MED12L: variants seen among roughly 807,000 people sequenced by gnomAD.
MED12L encodes the protein mediator of RNA polymerase II transcription subunit 12-like protein.
Under a neutral mutation model 281.3 loss-of-function variants are expected in MED12L, and 60 were observed. The ratio of observed to expected loss-of-function variants is 0.21; its 90% CI spans 0.17 to 0.26. The LOEUF (loss-of-function observed/expected upper bound fraction) is 0.26. Among genes scored for constraint, MED12L ranks in the 10% least tolerant of loss-of-function variants. The pLI, the probability that MED12L is intolerant of heterozygous loss-of-function variation, is 1.00. For missense variants in MED12L, 2,146 were observed against 2,680.9 expected (o/e 0.80, Z 4.41); for synonymous variants, 974 against 987.2 (o/e 0.99, Z 0.25).
intron 16 of MED12L, chr3:151,219,786 G>A (rs992392336): frequency 6.6e-6 from 1 of 151,158 alleles, no homozygotes; most frequent in Non-Finnish European, 1.5e-5. Context: ...CACTATACTT[G>A]CTATTTGTTG....
chr3:151,319,324 G>A (rs558588642), intron 16 of MED12L, among the ~76,000 whole-genome samples: 4 of 151,958 alleles, frequency 2.6e-5, no homozygotes, highest in East Asian at 1.9e-4. Flanking sequence ...TAAAAGCCCC[G>A]GGAATCTTCA....
intron 16 of MED12L, among the ~76,000 whole-genome samples, chr3:151,279,158 C>A (rs1447403031): frequency 1.3e-5 from 2 of 152,118 alleles, no homozygotes; most frequent in Non-Finnish European, 2.9e-5. Flanking sequence ...TAACTCAGAA[C>A]CAGAAAGAAA....
At chr3:151,294,586 C>G in intron 16 of MED12L, 1 of 1,614,134 alleles carries the variant, frequency 6.2e-7, no homozygotes, top group Non-Finnish European at 8.5e-7. Flanking sequence ...CGATCAGAAT[C>G]ACCAGCACGG....
chr3:151,360,198 A>G (rs935627671), intron 20 of MED12L, among the ~76,000 whole-genome samples: 24 of 152,100 alleles, frequency 1.6e-4, no homozygotes, highest in African/African-American at 5.3e-4. Context: ...TAATCGGTGG[A>G]TTCCTCCATA....
chr3:151,227,142 A>G (rs558872763), intron 16 of MED12L, among the ~76,000 whole-genome samples: 1 of 152,356 alleles, frequency 6.6e-6, no homozygotes, highest in South Asian at 2.1e-4. Context: ...TCAGTGACCA[A>G]CATGTGTTAA....
At chr3:151,382,846 G>C in intron 33 of MED12L, 101 bp downstream of exon 33, 1 of 847,496 alleles carries the variant, frequency 1.2e-6, no homozygotes, top group Non-Finnish European at 1.9e-6. Flanking sequence ...GCATTACAAG[G>C]TGAGGCCTTC....
chr3:151,355,449 TATG>T (rs1464259952), intron 18 of MED12L, among the ~76,000 whole-genome samples: 20 of 152,358 alleles, frequency 1.3e-4, no homozygotes, highest in Admixed American at 1.1e-3. Flanking sequence ...TTTTTGTCCT[TATG>T]ATAATAATCG....
At chr3:151,180,609 G>T (rs1722594245) in intron 11 of MED12L, among the ~76,000 whole-genome samples, 1 of 152,186 alleles carries the variant, frequency 6.6e-6, no homozygotes, top group Non-Finnish European at 1.5e-5. Flanking sequence ...CCCCAGTGGT[G>T]ACATCTGGAT....
At chr3:151,132,271 A>T (rs2148822004) in intron 5 of MED12L, among the ~76,000 whole-genome samples, 1 of 152,334 alleles carries the variant, frequency 6.6e-6, no homozygotes. Context: ...AGGTGATTTA[A>T]TGCAAAGTCC....
At chr3:151,174,336 C>A (rs1721788478) in intron 11 of MED12L, among the ~76,000 whole-genome samples, 1 of 152,174 alleles carries the variant, frequency 6.6e-6, no homozygotes, top group African/African-American at 2.4e-5. Context: ...GTATTTCTCA[C>A]AACTCCTCTA....
intron 20 of MED12L, among the ~76,000 whole-genome samples, chr3:151,359,673 G>A (rs1368911986): frequency 2.0e-5 from 3 of 152,114 alleles, no homozygotes; most frequent in Non-Finnish European, 2.9e-5. Context: ...CAATAAGGAT[G>A]GTGAATCAGA....
intron 39 of MED12L, among the ~76,000 whole-genome samples, 173 bp from the exon 40 acceptor site, chr3:151,409,070 C>T (rs1328188166): frequency 6.6e-6 from 1 of 152,234 alleles, no homozygotes; most frequent in East Asian, 1.9e-4. Context: ...ATAAGTTCAA[C>T]AGTCTAAACA....
At position 151,394,302 on chromosome 3, in the gene MED12L, AC is replaced by A. The variant is rs201381981; in HGVS notation, c.5609-353del. Among the ~76,000 whole-genome samples, 14 of 152,370 alleles carry A rather than the reference AC, an allele frequency of 9.2e-5. No homozygotes were observed. In the East Asian group the frequency reaches 2.1e-3, roughly 23 times the overall value. On this transcript the variant is annotated intron_variant, in intron 38 of 44. Transcript: ENST00000687756. The stretch of plus-strand genomic sequence containing the variant: ...GCTTAAGAACTTGGCAAAATACATC[AC>A]AAAGGCAGTATGTTTTATACAAGTA...
Position 151,127,764 on chromosome 3 carries a change from T to C in MED12L, c.397-61T>C, listed in dbSNP as rs1032774565. 2.4e-6 allele frequency: 3 copies of C among 1,227,258 alleles called. No individual in the cohort carries two copies. The African/African-American group carries it at 4.6e-5, about 19-fold the overall frequency. 76.0% of individuals were successfully genotyped at this position (1,227,258 alleles called of 1,614,324 possible). A position where few individuals can be genotyped will look rare whatever the true frequency, so the allele number is the denominator to read the frequency against. On this transcript the variant is annotated intron_variant, in intron 4 of 44. Coordinates refer to ENST00000687756, the MANE Select transcript of MED12L (RefSeq NM_001393769.1). Reference sequence around the variant, plus strand: ...TTCTTTTGCTTCCCCTTTATTTAGGTTTATCTAGTGATGAACACAGTACGT... The same window carrying C: ...TTCTTTTGCTTCCCCTTTATTTAGGCTTATCTAGTGATGAACACAGTACGT...
chr3:151,156,420 A>G (rs1719292448), intron 6 of MED12L, 90 bp downstream of exon 6: 5 of 1,253,588 alleles, frequency 4.0e-6, no homozygotes, highest in Non-Finnish European at 4.4e-6. Context: ...GTTAAATCCT[A>G]TTTTACATGA....
At position 151,329,895 on chromosome 3, in the gene MED12L, ATCT is replaced by A. The variant is rs61641021; in HGVS notation, c.2251-20160_2251-20158del. 3.0e-3 allele frequency among the ~76,000 whole-genome samples: 451 copies of A among 152,286 alleles called. 2 individuals are homozygous for A. Among genetic ancestry groups the A allele is most frequent in the African/African-American group, 0.01 (433 of 41,570 alleles). Reference sequence around the variant, plus strand: ...AGACTACCTAAAATCAGACAGAATAATCTTCTGTATCCTTGTAAACTGGATTTT... The same window carrying A: ...AGACTACCTAAAATCAGACAGAATAATCTGTATCCTTGTAAACTGGATTTT... On this transcript the variant is annotated intron_variant, in intron 16 of 44. Coordinates refer to ENST00000687756, the MANE Select transcript of MED12L (RefSeq NM_001393769.1).
At chr3:151,218,803 G>T (rs1379270946) in intron 16 of MED12L, among the ~76,000 whole-genome samples, 1 of 144,700 alleles carries the variant, frequency 6.9e-6, no homozygotes. Context: ...GGAGGCGGAG[G>T]TTGCAGTGAG....
intron 16 of MED12L, among the ~76,000 whole-genome samples, chr3:151,311,597 G>T (rs558174389): frequency 2.6e-5 from 4 of 152,036 alleles, no homozygotes; most frequent in Admixed American, 2.0e-4. Context: ...CATTTTTTAG[G>T]TTTTTAAAAT....
chr3:151,389,508 T>C (rs1713901272), intron 37 of MED12L, among the ~76,000 whole-genome samples: 1 of 152,198 alleles, frequency 6.6e-6, no homozygotes, highest in Non-Finnish European at 1.5e-5. Context: ...TGTCTACTTC[T>C]TTAGAACGAT....
Sources: allele counts gnomAD v4.1 joint callset (sites outside exome capture counted in the v4.1 genomes callset), GRCh38; gene constraint gnomAD v4.1.1; transcripts MANE v1.5; gene names NCBI Gene and HGNC (gene_info 2026-07-23, HGNC 2026-07-21).